UNC5C: variants seen among roughly 807,000 people sequenced by gnomAD.
UNC5C encodes the protein unc-5 netrin receptor C.
UNC5C carries 47 observed loss-of-function variants against 99.8 expected under a neutral mutation model. The observed-to-expected ratio is 0.47, with a 90% CI of 0.37 to 0.60. The LOEUF is 0.60. UNC5C is among the 20% of genes least tolerant of loss of function. The pLI, the probability that UNC5C is intolerant of heterozygous loss-of-function variation, is 0.00. For synonymous variants in UNC5C, 487 were observed against 452.2 expected, an observed-to-expected ratio of 1.08 and a Z score of -0.98; for missense variants, 1,062 against 1,165.9, an observed-to-expected ratio of 0.91 and a Z score of 1.30.
intron 1 of UNC5C, among the ~76,000 whole-genome samples, chr4:95,522,994 C>A (rs1237890757): frequency 6.6e-6 from 1 of 152,038 alleles, no homozygotes; most frequent in Non-Finnish European, 1.5e-5. Context: ...TGATGGGTAC[C>A]TTGTCTTATC....
chr4:95,311,868 A>T (rs1742289145), intron 2 of UNC5C, among the ~76,000 whole-genome samples: 1 of 152,082 alleles, frequency 6.6e-6, no homozygotes, highest in South Asian at 2.1e-4. Context: ...ACATAAAGAG[A>T]CCCTGTCTCT....
At chr4:95,311,853 G>A (rs1306125437) in intron 2 of UNC5C, among the ~76,000 whole-genome samples, 1 of 152,104 alleles carries the variant, frequency 6.6e-6, no homozygotes, top group Non-Finnish European at 1.5e-5. Context: ...AGACCAGCCT[G>A]GGCAACATAA....
chr4:95,245,570 G>A (rs1739473760), intron 5 of UNC5C, among the ~76,000 whole-genome samples: 1 of 152,132 alleles, frequency 6.6e-6, no homozygotes, highest in Admixed American at 6.5e-5. Flanking sequence ...TTAAAAAAAA[G>A]ATTGATTTTT....
intron 12 of UNC5C, among the ~76,000 whole-genome samples, chr4:95,198,019 G>A (rs1025932158): frequency 8.9e-5 from 12 of 135,052 alleles, no homozygotes; most frequent in Non-Finnish European, 1.5e-4. Flanking sequence ...ATGGGGTCTC[G>A]CTCTGCCACC....
At chr4:95,177,607 C>G (rs1042078705) in intron 14 of UNC5C, among the ~76,000 whole-genome samples, 1 of 152,168 alleles carries the variant, frequency 6.6e-6, no homozygotes, top group African/African-American at 2.4e-5. Context: ...GTGTGGAGGG[C>G]ATTTGAAATC....
chr4:95,397,599 T>A (rs1035610974), intron 1 of UNC5C, among the ~76,000 whole-genome samples: 1 of 152,224 alleles, frequency 6.6e-6, no homozygotes, highest in African/African-American at 2.4e-5. Flanking sequence ...TTGAACAGGA[T>A]AAATTGCAAA....
chr4:95,263,873 C>T (rs1740336498), intron 4 of UNC5C, among the ~76,000 whole-genome samples: 1 of 152,158 alleles, frequency 6.6e-6, no homozygotes, highest in Non-Finnish European at 1.5e-5. Context: ...ATTTATTCTA[C>T]AACATGTCCT....
chr4:95,225,105 G>A (rs1738633325), intron 7 of UNC5C, among the ~76,000 whole-genome samples: 1 of 152,142 alleles, frequency 6.6e-6, no homozygotes, highest in Non-Finnish European at 1.5e-5. Flanking sequence ...CACCCAGGCT[G>A]GAGTGCAATG....
chr4:95,363,959 TGTTTGGATA>T, intron 1 of UNC5C, among the ~76,000 whole-genome samples: 1 of 152,270 alleles, frequency 6.6e-6, no homozygotes, highest in East Asian at 1.9e-4. Context: ...CTGGGCAAAG[TGTTTGGATA>T]AAGTGTGGGG....
At chr4:95,412,812 G>A (rs1746035710) in intron 1 of UNC5C, among the ~76,000 whole-genome samples, 1 of 152,294 alleles carries the variant, frequency 6.6e-6, no homozygotes, top group Admixed American at 6.5e-5. Context: ...GAATGGGAGA[G>A]CATACGTTGC....
intron 3 of UNC5C, among the ~76,000 whole-genome samples, chr4:95,284,621 A>G (rs528353599): frequency 6.6e-6 from 1 of 152,150 alleles, no homozygotes; most frequent in Non-Finnish European, 1.5e-5. Context: ...TTTGGTATTT[A>G]AAAAAATTAG....
At position 95,535,293 on chromosome 4, in the gene UNC5C, C is replaced by G. The variant is rs1455179221; in HGVS notation, c.124+13441G>C. Among the ~76,000 whole-genome samples, 3 of 152,022 alleles carry G rather than the reference C, an allele frequency of 2.0e-5. No individual in the cohort carries two copies. The East Asian group carries it at 5.8e-4, about 29-fold the overall frequency. ...ATACCAATTTATTTTAAGAATTTTA[C>G]CTTTGACAACATGCTTTTATTGGTC... On this transcript the variant is annotated intron_variant, in intron 1 of 15. Coordinates refer to ENST00000453304, the MANE Select transcript of UNC5C (RefSeq NM_003728.4).
At chr4:95,209,645 TGAG>T (rs1738008694) in intron 10 of UNC5C, among the ~76,000 whole-genome samples, 1 of 152,222 alleles carries the variant, frequency 6.6e-6, no homozygotes, top group African/African-American at 2.4e-5. Flanking sequence ...GGGAGCAACT[TGAG>T]ACCTCATTAC....
At chr4:95,409,693 C>T (rs576189282) in intron 1 of UNC5C, among the ~76,000 whole-genome samples, 1 of 152,270 alleles carries the variant, frequency 6.6e-6, no homozygotes, top group African/African-American at 2.4e-5. Flanking sequence ...TGGACAGGCC[C>T]TCATTGACCA....
intron 14 of UNC5C, among the ~76,000 whole-genome samples, chr4:95,177,414 C>G (rs575869715): frequency 2.0e-5 from 3 of 152,274 alleles, no homozygotes; most frequent in South Asian, 2.1e-4. Context: ...AGAGCGCCCC[C>G]CATATGCTGC....
At chr4:95,297,453 A>T (rs1340903747) in intron 3 of UNC5C, among the ~76,000 whole-genome samples, 2 of 152,258 alleles carry the variant, frequency 1.3e-5, no homozygotes, top group East Asian at 3.8e-4. Flanking sequence ...ATTGTTAAAC[A>T]TCTGTGATAC....
intron 4 of UNC5C, 81 bp from the exon 5 acceptor site, chr4:95,250,748 C>G: frequency 1.4e-6 from 2 of 1,410,714 alleles, no homozygotes; most frequent in South Asian, 2.6e-5. Context: ...ATTTTGTACA[C>G]TTGATCTTAG....
intron 7 of UNC5C, among the ~76,000 whole-genome samples, chr4:95,234,175 G>A (rs942933311): frequency 6.6e-6 from 1 of 151,966 alleles, no homozygotes; most frequent in South Asian, 2.1e-4. Flanking sequence ...TGTAAAATGT[G>A]GGGGGTGGCT....
intron 1 of UNC5C, among the ~76,000 whole-genome samples, chr4:95,469,612 T>C (rs1342213545): frequency 6.6e-6 from 1 of 152,136 alleles, no homozygotes; most frequent in Non-Finnish European, 1.5e-5. Flanking sequence ...ACTGTATTCA[T>C]TTATCTTGAA....
Sources: allele counts gnomAD v4.1 joint callset (sites outside exome capture counted in the v4.1 genomes callset), GRCh38; gene constraint gnomAD v4.1.1; transcripts MANE v1.5; gene names NCBI Gene and HGNC (gene_info 2026-07-23, HGNC 2026-07-21).